PRSS23: variants seen among roughly 807,000 people sequenced by gnomAD.
PRSS23 encodes the protein serine protease 23, also known as protease, serine 23.
In PRSS23, 25 loss-of-function variants were observed where a neutral mutation model predicts 34.7. That is an observed-to-expected ratio of 0.72 (90% CI 0.53 to 1.01). The LOEUF is 1.01. Ranked by LOEUF, PRSS23 falls within the 50% of genes least tolerant of loss-of-function variation. The pLI, the probability that PRSS23 is intolerant of heterozygous loss-of-function variation, is 0.00. For missense variants in PRSS23, 445 were observed against 475.6 expected (o/e 0.94, Z 0.60); for synonymous variants, 176 against 186.6 (o/e 0.94, Z 0.46).
intron 2 of PRSS23, among the ~76,000 whole-genome samples, chr11:86,827,094 T>C (rs553048142): frequency 1.3e-5 from 2 of 152,310 alleles, no homozygotes; most frequent in Admixed American, 1.3e-4. Flanking sequence ...GTACCTCTGG[T>C]AGAATTCGGC....
chr11:86,863,659 T>G (rs528396557), intron 2 of PRSS23, among the ~76,000 whole-genome samples: 1 of 152,312 alleles, frequency 6.6e-6, no homozygotes, highest in Admixed American at 6.5e-5. Flanking sequence ...AATCCATTCT[T>G]TCTTTACTTT....
intron 2 of PRSS23, among the ~76,000 whole-genome samples, chr11:86,889,977 C>T (rs1412619772): frequency 6.6e-6 from 1 of 152,100 alleles, no homozygotes; most frequent in Non-Finnish European, 1.5e-5. Context: ...TTTAAAAGTT[C>T]CCCAGTTGAG....
intron 2 of PRSS23, among the ~76,000 whole-genome samples, chr11:86,832,141 G>C (rs1335838659): frequency 6.6e-6 from 1 of 151,938 alleles, no homozygotes; most frequent in Non-Finnish European, 1.5e-5. Context: ...ATTACTGGTG[G>C]TGTTCACCAT....
downstream of PRSS23, among the ~76,000 whole-genome samples, chr11:86,814,188 T>A (rs958632349): frequency 6.6e-6 from 1 of 152,166 alleles, no homozygotes. Context: ...AACTATAGGA[T>A]CTCTGATTGT....
At chr11:86,822,958 T>G (rs1319677921) in intron 1 of PRSS23, among the ~76,000 whole-genome samples, 1 of 151,930 alleles carries the variant, frequency 6.6e-6, no homozygotes, top group Non-Finnish European at 1.5e-5. Flanking sequence ...GGGGTGAGTG[T>G]GGGAGTTTAA....
At position 86,808,096 on chromosome 11, in the gene PRSS23, A is replaced by G. The variant is rs1437514979; in HGVS notation, c.453A>G (p.Ser151=). The G allele has an allele frequency of 1.9e-6, 3 of 1,613,844 alleles. No homozygotes were observed. The East Asian group carries it at 6.7e-5, about 36-fold the overall frequency. The stretch of plus-strand genomic sequence containing the variant: ...ACTTCCTGCTCAACTACCCTTTCTC[A>G]ACATCAGTGAAGTTATCCACGGGCT... The part of the protein sequence containing the change: ...GKDFLLNYPF[S]TSVKLSTGCT... The change falls in exon 2 of 2, where the codon TCA becomes TCG. Residue 151 remains serine (S), a synonymous_variant. Coordinates refer to ENST00000280258, the MANE Select transcript of PRSS23 (RefSeq NM_007173.6).
At chr11:86,918,269 T>C (rs1043664443) in intron 2 of PRSS23, among the ~76,000 whole-genome samples, 4 of 152,214 alleles carry the variant, frequency 2.6e-5, no homozygotes, top group African/African-American at 9.6e-5. Flanking sequence ...AAAGTGCTTA[T>C]TGGGAGAGAG....
intron 2 of PRSS23, among the ~76,000 whole-genome samples, chr11:86,924,429 CTG>C (rs1405100896): frequency 6.6e-6 from 1 of 152,168 alleles, no homozygotes; most frequent in Admixed American, 6.5e-5. Context: ...ACACCAAACT[CTG>C]TTAAATTTTG....
chr11:86,883,846 G>A (rs1948785838), intron 2 of PRSS23, among the ~76,000 whole-genome samples: 1 of 152,050 alleles, frequency 6.6e-6, no homozygotes, highest in Non-Finnish European at 1.5e-5. Flanking sequence ...CTGGTTTTTA[G>A]GAGTGTGTTG....
In PRSS23 at chr11:86,821,705, G is replaced by T; in HGVS notation, c.-11-1672G>T. ...GCTCTTATGTTCTGTTGAATATACT[G>T]TTGAACAGCTAGTGTACTGTCTATT... On this transcript the variant is annotated intron_variant, in intron 1 of 2. Coordinates refer to the PRSS23 transcript ENST00000533902. The T allele has an allele frequency of 8.2e-6, 12 of 1,467,518 alleles. No individual in the cohort carries two copies. The South Asian group carries it at 1.4e-4, about 17-fold the overall frequency. 90.9% of individuals were successfully genotyped at this position (1,467,518 alleles called of 1,614,324 possible). A position where few individuals can be genotyped will look rare whatever the true frequency, so the allele number is the denominator to read the frequency against.
intron 2 of PRSS23, among the ~76,000 whole-genome samples, chr11:86,944,549 C>T (rs558288643): frequency 6.6e-6 from 1 of 152,304 alleles, no homozygotes; most frequent in Admixed American, 6.5e-5. Flanking sequence ...GCCCTCTCTA[C>T]GTCTTGGCTT....
At chr11:86,911,173 A>C (rs1446887451) in intron 2 of PRSS23, 1 of 152,160 alleles carries the variant, frequency 6.6e-6, no homozygotes, top group Non-Finnish European at 1.5e-5. Flanking sequence ...TTAGATGAAT[A>C]AATTAATTAG....
intron 2 of PRSS23, among the ~76,000 whole-genome samples, chr11:86,882,889 G>C (rs1948780457): frequency 6.6e-6 from 1 of 152,088 alleles, no homozygotes; most frequent in Non-Finnish European, 1.5e-5. Context: ...TTTAATAATA[G>C]ACATTCTGAC....
At chr11:86,925,970 A>C (rs1183421782) in intron 2 of PRSS23, among the ~76,000 whole-genome samples, 2 of 152,196 alleles carry the variant, frequency 1.3e-5, no homozygotes, top group Non-Finnish European at 2.9e-5. Flanking sequence ...TGAGCCTCAG[A>C]GCTTTGCTCC....
chr11:86,927,508 A>T (rs1472185777), intron 2 of PRSS23, among the ~76,000 whole-genome samples: 4 of 151,584 alleles, frequency 2.6e-5, no homozygotes, highest in South Asian at 2.1e-4. Flanking sequence ...CATTTTTTAA[A>T]TTTTTTTTTA....
In PRSS23 at chr11:86,889,114, G is replaced by C. The variant is rs989816662; in HGVS notation, c.207-62102G>C. ...TTCTGCCCATCTCTGCTAACAACTA[G>C]CAGTGGTTAAGCAGCCTTTGATGAG... On this transcript the variant is annotated intron_variant, in intron 2 of 2. Transcript: ENST00000533902. Among the ~76,000 whole-genome samples the C allele has an allele frequency of 2.6e-4, 40 of 152,284 alleles. 1 individual carries two copies. The highest frequency in any genetic ancestry group is 9.6e-4 in the African/African-American group (40 of 41,544).
At chr11:86,884,201 C>T (rs1948787934) in intron 2 of PRSS23, among the ~76,000 whole-genome samples, 1 of 152,200 alleles carries the variant, frequency 6.6e-6, no homozygotes, top group Non-Finnish European at 1.5e-5. Context: ...TCATCTCTCT[C>T]CTTGACTGTT....
intron 2 of PRSS23, chr11:86,934,972 T>G (rs1003007573): frequency 9.2e-5 from 14 of 152,246 alleles, no homozygotes; most frequent in African/African-American, 2.4e-4. Context: ...GATTTTTGAC[T>G]CAAAACAAAT....
At chr11:86,883,847 G>T (rs1237220332) in intron 2 of PRSS23, among the ~76,000 whole-genome samples, 1 of 151,988 alleles carries the variant, frequency 6.6e-6, no homozygotes, top group African/African-American at 2.4e-5. Context: ...TGGTTTTTAG[G>T]AGTGTGTTGT....
Sources: allele counts gnomAD v4.1 joint callset (sites outside exome capture counted in the v4.1 genomes callset), GRCh38; gene constraint gnomAD v4.1.1; transcripts MANE v1.5; gene names NCBI Gene and HGNC (gene_info 2026-07-23, HGNC 2026-07-21).